Variants in CDK19 observed in about 807,000 individuals in gnomAD.
CDK19 encodes cyclin-dependent kinase 19.
Under a neutral mutation model 68.3 loss-of-function variants are expected in CDK19, and 20 were observed. The ratio of observed to expected loss-of-function variants is 0.29; its 90% CI spans 0.21 to 0.43. CDK19 has a LOEUF of 0.43. Among genes scored for constraint, CDK19 ranks in the 20% least tolerant of loss-of-function variants. The pLI is 1.00. For missense variants in CDK19, 339 were observed against 623.5 expected, an observed-to-expected ratio of 0.54 and a Z score of 4.86; for synonymous variants, 221 against 222.8, an observed-to-expected ratio of 0.99 and a Z score of 0.07.
Position 110,730,543 on chromosome 6 carries a change from G to A in CDK19, c.204+15583C>T, listed in dbSNP as rs182288579. On this transcript the variant is annotated intron_variant, in intron 2 of 12. Coordinates refer to ENST00000368911, the MANE Select transcript of CDK19 (RefSeq NM_015076.5). ...TAACATGTAGATAGTTACGATGTAGGGGAGAAGTAATCACTTTGAAAGGCA... is the reference window on the plus strand; with the variant it reads ...TAACATGTAGATAGTTACGATGTAGAGGAGAAGTAATCACTTTGAAAGGCA... 5.3e-4 allele frequency among the ~76,000 whole-genome samples: 80 copies of A among 152,290 alleles called. No individual in the cohort carries two copies. In the South Asian group the frequency reaches 0.013, roughly 25 times the overall value.
At chr6:110,784,867 A>G (rs894776119) in intron 1 of CDK19, among the ~76,000 whole-genome samples, 2 of 152,178 alleles carry the variant, frequency 1.3e-5, no homozygotes, top group Admixed American at 1.3e-4. Context: ...AAGACACACA[A>G]TAACATATAT....
chr6:110,676,131 C>T (rs1195763127), intron 2 of CDK19, among the ~76,000 whole-genome samples: 2 of 152,092 alleles, frequency 1.3e-5, no homozygotes, highest in African/African-American at 2.4e-5. Context: ...TTGATTCCAA[C>T]CCTCATGGAT....
intron 1 of CDK19, among the ~76,000 whole-genome samples, chr6:110,753,880 G>C (rs920513969): frequency 3.3e-5 from 5 of 152,044 alleles, no homozygotes; most frequent in Admixed American, 2.0e-4. Context: ...AGGATATGTT[G>C]ATAATATTTC....
chr6:110,618,353 G>C (rs1778479658), intron 12 of CDK19, among the ~76,000 whole-genome samples: 1 of 152,054 alleles, frequency 6.6e-6, no homozygotes, highest in Admixed American at 6.5e-5. Context: ...GGATGGTCTT[G>C]AACTCCTGAC....
chr6:110,641,979 A>C (rs1422889748), intron 4 of CDK19, among the ~76,000 whole-genome samples: 1 of 152,192 alleles, frequency 6.6e-6, no homozygotes. Flanking sequence ...ATGCAACTGG[A>C]AAACAACTTT....
chr6:110,713,555 C>T (rs9487497), intron 2 of CDK19, among the ~76,000 whole-genome samples: 2,043 of 151,546 alleles, frequency 0.013, 56 homozygotes, highest in African/African-American at 0.047. Context: ...TACTACCACA[C>T]CCAGCTAATA....
At chr6:110,750,689 A>G (rs960628281) in intron 1 of CDK19, among the ~76,000 whole-genome samples, 2 of 152,238 alleles carry the variant, frequency 1.3e-5, no homozygotes, top group African/African-American at 4.8e-5. Flanking sequence ...CTAAGCGTCT[A>G]CTATAGCAGA....
chr6:110,814,156 T>A, intron 1 of CDK19: 1 of 182,350 alleles, frequency 5.5e-6, no homozygotes, highest in South Asian at 9.4e-5. Flanking sequence ...CCCAGCTCTG[T>A]CACTTCGTAT....
At chr6:110,663,358 T>C (rs1043035805) in intron 4 of CDK19, among the ~76,000 whole-genome samples, 1 of 152,236 alleles carries the variant, frequency 6.6e-6, no homozygotes, top group Non-Finnish European at 1.5e-5. Context: ...TTTCATATAC[T>C]TTATATTTCT....
chr6:110,686,329 T>C (rs1465998892), intron 2 of CDK19, among the ~76,000 whole-genome samples: 3 of 152,108 alleles, frequency 2.0e-5, no homozygotes, highest in African/African-American at 7.2e-5. Context: ...GAAGAGGAAA[T>C]TGAGAATTTG....
chr6:110,735,115 T>TC (rs1313230205), intron 2 of CDK19, among the ~76,000 whole-genome samples: 1 of 152,028 alleles, frequency 6.6e-6, no homozygotes, highest in Admixed American at 6.6e-5. Flanking sequence ...AATCTTCTTT[T>TC]TTTTTTTTAT....
intron 2 of CDK19, among the ~76,000 whole-genome samples, chr6:110,686,927 G>A (rs981013877): frequency 2.0e-5 from 3 of 152,058 alleles, no homozygotes; most frequent in Admixed American, 6.6e-5. Context: ...GGCCAGGTGC[G>A]GTGGCTCGTG....
chr6:110,769,548 G>T (rs1175879830), intron 1 of CDK19, among the ~76,000 whole-genome samples: 1 of 147,766 alleles, frequency 6.8e-6, no homozygotes, highest in Non-Finnish European at 1.5e-5. Flanking sequence ...CTGGGTGAGA[G>T]AGCAAGATTC....
Position 110,807,814 on chromosome 6 carries a change from C to CT in CDK19, c.128+7194dup, listed in dbSNP as rs61710346. On this transcript the variant is annotated intron_variant, in intron 1 of 12. Coordinates refer to ENST00000368911, the MANE Select transcript of CDK19 (RefSeq NM_015076.5). ...ATTTACAAACTTTTTTTTATAATAC[C>CT]TTTTTTTTTTTTTAAGAGAGTCTCG... is the stretch of plus-strand genomic sequence containing the variant. Among the ~76,000 whole-genome samples, 3,299 of 144,052 alleles carry CT rather than the reference C, an allele frequency of 0.023. 339 individuals are homozygous for CT. The East Asian group carries it at 0.35, about 15-fold the overall frequency. The allele number at this position is 144,052 out of a possible 152,430, so 94.5% of individuals were successfully genotyped here.
intron 4 of CDK19, among the ~76,000 whole-genome samples, chr6:110,664,793 CCAA>C (rs754156251): frequency 2.0e-5 from 3 of 152,032 alleles, no homozygotes; most frequent in African/African-American, 4.8e-5. Flanking sequence ...ACAACAGGAA[CCAA>C]CAACAAGAAG....
At chr6:110,790,612 T>C (rs1781522545) in intron 1 of CDK19, among the ~76,000 whole-genome samples, 2 of 150,698 alleles carry the variant, frequency 1.3e-5, no homozygotes, top group South Asian at 2.2e-4. Context: ...AATATAGTAA[T>C]AAGAAATTGA....
chr6:110,635,587 T>G (rs1779717475), intron 5 of CDK19, among the ~76,000 whole-genome samples: 1 of 152,174 alleles, frequency 6.6e-6, no homozygotes. Context: ...TCGCCCAGGC[T>G]GGAGTGCAGT....
At chr6:110,810,560 A>G (rs1318119044) in intron 1 of CDK19, among the ~76,000 whole-genome samples, 1 of 152,144 alleles carries the variant, frequency 6.6e-6, no homozygotes, top group East Asian at 1.9e-4. Context: ...GGATCACCTG[A>G]GGTTGGGAGT....
chr6:110,719,984 C>CA, intron 2 of CDK19, among the ~76,000 whole-genome samples: 1 of 88,020 alleles, frequency 1.1e-5, no homozygotes, highest in African/African-American at 4.4e-5. Flanking sequence ...CCCCCCCCCC[C>CA]CACCCCCCCC....
Sources: gnomAD v4.1 joint callset for allele counts (sites outside exome capture counted in the v4.1 genomes callset) on GRCh38, gnomAD v4.1.1 for gene constraint, MANE v1.5 for transcripts, NCBI Gene and HGNC (gene_info 2026-07-23, HGNC 2026-07-21) for gene names.